The following EEF1E1 variants were observed in gnomAD, a reference collection of about 807,000 sequenced individuals.
EEF1E1 encodes eukaryotic translation elongation factor 1 epsilon 1, also known as eukaryotic translation elongation factor 1 epsilon-1.
In EEF1E1, 19 loss-of-function variants were observed where a neutral mutation model predicts 19.9. The ratio of observed to expected loss-of-function variants is 0.95; its 90% CI spans 0.66 to 1.40. EEF1E1 has a LOEUF of 1.40. Among genes scored for constraint, EEF1E1 ranks in the 40% most tolerant of loss-of-function variants. The pLI is 0.00. For missense variants in EEF1E1, 198 were observed against 202.2 expected (o/e 0.98, Z 0.13); for synonymous variants, 81 against 80.0 (o/e 1.01, Z -0.07).
rs747102978 is a variant in EEF1E1 at position 8,102,513 on chromosome 6, C to A, written c.9G>T (p.Ala3=). 12 of 1,610,848 alleles carry A rather than the reference C, an allele frequency of 7.4e-6. No homozygotes were observed. Among genetic ancestry groups the A allele is most frequent in the Non-Finnish European group, 1.0e-5 (12 of 1,179,978 alleles). ...TCTCCAGTAGCGACAACTCTGCGGC[C>A]GCCGCCATCTTCCGGCCGTAGCTCC... is the stretch of plus-strand genomic sequence containing the variant. MA[A]AAELSLLEKS... is the part of the protein sequence containing the mutation. Residue 3 remains alanine, a synonymous_variant, in exon 1 of 4, where the codon GCG becomes GCT. Transcript: ENST00000379715.
intron 1 of EEF1E1, among the ~76,000 whole-genome samples, chr6:8,098,069 G>GTT (rs145208758): frequency 1.3e-5 from 2 of 151,478 alleles, no homozygotes; most frequent in Admixed American, 6.6e-5. Flanking sequence ...AAAAAGAATT[G>GTT]TTTTTTTGGG....
In EEF1E1 at chr6:8,102,485, A is replaced by G; in HGVS notation, c.37T>C (p.Ser13Pro). The change falls in exon 1 of 4, where the codon TCC (serine) becomes CCC (proline). Residue 13 changes from serine (S) to proline (P), a missense_variant. Transcript: ENST00000379715. ...AAAELSLLEK[S>P]LGLSKGNKYS... ...TTATTCCCCTTACTCAGTCCCAGGG[A>G]CTTCTCCAGTAGCGACAACTCTGCG... The G allele has an allele frequency of 6.2e-7, 1 of 1,612,154 alleles. No individual in the cohort carries two copies. Among genetic ancestry groups the G allele is most frequent in the Non-Finnish European group, 8.5e-7 (1 of 1,179,940 alleles).
chr6:8,102,255 G>A, intron 1 of EEF1E1, 180 bp downstream of exon 1: 1 of 531,266 alleles, frequency 1.9e-6, no homozygotes, highest in Non-Finnish European at 2.4e-6. Context: ...CCCTCCAGGA[G>A]GTAGGATGGC....
intron 1 of EEF1E1, among the ~76,000 whole-genome samples, chr6:8,100,745 C>T (rs1247069364): frequency 6.6e-6 from 1 of 151,844 alleles, no homozygotes; most frequent in African/African-American, 2.4e-5. Flanking sequence ...CATACTTTCT[C>T]TAATAAATCT....
At chr6:8,101,903 G>T (rs1758377338) in intron 1 of EEF1E1, 1 of 1,240,706 alleles carries the variant, frequency 8.1e-7, no homozygotes, top group Non-Finnish European at 1.1e-6. Flanking sequence ...GTGCAACGTG[G>T]CACTCTTCCA....
At chr6:8,101,435 A>G (rs189441771) in intron 1 of EEF1E1, among the ~76,000 whole-genome samples, 2,714 of 150,784 alleles carry the variant, frequency 0.018, 39 homozygotes, top group Non-Finnish European at 0.029. Context: ...AAACACCAAA[A>G]GAAGGCCACT....
chr6:8,099,475 A>G (rs1361129920), intron 1 of EEF1E1, among the ~76,000 whole-genome samples: 1 of 152,170 alleles, frequency 6.6e-6, no homozygotes, highest in Non-Finnish European at 1.5e-5. Context: ...GGCTGGGCGC[A>G]GTGGCTCACG....
chr6:8,089,736 A>C (rs930529616), intron 3 of EEF1E1, among the ~76,000 whole-genome samples: 4 of 152,202 alleles, frequency 2.6e-5, no homozygotes, highest in Admixed American at 2.6e-4. Context: ...ATTAACCATC[A>C]CAAGTGGTTA....
intron 3 of EEF1E1, among the ~76,000 whole-genome samples, chr6:8,084,426 G>C (rs1377689805): frequency 6.6e-6 from 1 of 152,144 alleles, no homozygotes; most frequent in African/African-American, 2.4e-5. Context: ...CTCCTTTTCC[G>C]AGTATTTCTT....
intron 1 of EEF1E1, among the ~76,000 whole-genome samples, chr6:8,097,917 A>G (rs566973299): frequency 6.6e-6 from 1 of 152,344 alleles, no homozygotes; most frequent in African/African-American, 2.4e-5. Context: ...TAAGAAATTG[A>G]CAATTAATTT....
exon 4 of EEF1E1, chr6:8,073,490 T>C (rs767382595): frequency 2.6e-4 from 400 of 1,550,122 alleles, no homozygotes; most frequent in Non-Finnish European, 3.2e-4. Context: ...TCCCTACCTC[T>C]GTGTGCCTCA....
intron 2 of EEF1E1, among the ~76,000 whole-genome samples, chr6:8,093,555 T>C (rs1424778503): frequency 2.0e-5 from 3 of 152,124 alleles, no homozygotes; most frequent in Admixed American, 6.5e-5. Context: ...ACCTTATTTA[T>C]GAGGCATTTA....
chr6:8,075,464 T>C (rs2815161), downstream of EEF1E1, among the ~76,000 whole-genome samples: 123,228 of 152,088 alleles, frequency 0.81, 50,205 homozygotes, highest in African/African-American at 0.88. Context: ...TCAGTTCCCC[T>C]GTCCATAGAA....
intron 3 of EEF1E1, among the ~76,000 whole-genome samples, chr6:8,086,709 C>A (rs921684716): frequency 6.6e-6 from 1 of 152,108 alleles, no homozygotes; most frequent in African/African-American, 2.4e-5. Flanking sequence ...TAACACTGGT[C>A]CTATTTCCTT....
At chr6:8,075,298 A>C (rs1239806380), downstream of EEF1E1, among the ~76,000 whole-genome samples, 3 of 152,244 alleles carry the variant, frequency 2.0e-5, no homozygotes, top group Non-Finnish European at 4.4e-5. Flanking sequence ...ACCATGTCAC[A>C]AAACTAAAAA....
chr6:8,078,327 A>AC (rs994268183), downstream of EEF1E1, among the ~76,000 whole-genome samples: 131 of 150,388 alleles, frequency 8.7e-4, no homozygotes, highest in African/African-American at 3.1e-3. Context: ...AAGAAGGGGA[A>AC]CGGCTGGTCA....
chr6:8,079,891 T>C lies in EEF1E1; in HGVS notation c.524A>G (p.Ter175TrpextTer28). 1.9e-6 allele frequency: 3 copies of C among 1,611,548 alleles called. No homozygotes were observed. The highest frequency in any genetic ancestry group is 2.5e-6 in the Non-Finnish European group (3 of 1,179,528). ...TCTTCTGTATGGCATGGACAGCTTCTAGTGGGAATTAGTATATAGTCTGTT... is the reference window on the plus strand; with the variant it reads ...TCTTCTGTATGGCATGGACAGCTTCCAGTGGGAATTAGTATATAGTCTGTT... ...IKNRLYTNSH[*>W] The change falls in exon 4 of 4, where the codon TAG becomes TGG. Residue 175 changes from the stop codon to tryptophan, a stop_lost. Coordinates refer to ENST00000379715, the MANE Select transcript of EEF1E1 (RefSeq NM_004280.5).
downstream of EEF1E1, among the ~76,000 whole-genome samples, chr6:8,074,894 G>A (rs532093998): frequency 7.9e-5 from 12 of 152,180 alleles, no homozygotes; most frequent in Non-Finnish European, 1.6e-4. Context: ...GGGATTCAGA[G>A]GAGTAAGACA....
At chr6:8,084,085 C>T (rs1757786545) in intron 3 of EEF1E1, among the ~76,000 whole-genome samples, 1 of 152,048 alleles carries the variant, frequency 6.6e-6, no homozygotes, top group South Asian at 2.1e-4. Flanking sequence ...AAAGGATGGT[C>T]AACAGTGATT....
Sources: gnomAD v4.1 joint callset for allele counts (sites outside exome capture counted in the v4.1 genomes callset) on GRCh38, gnomAD v4.1.1 for gene constraint, MANE v1.5 for transcripts, NCBI Gene and HGNC (gene_info 2026-07-23, HGNC 2026-07-21) for gene names.